Variants in RSRC2 observed in about 807,000 individuals in gnomAD.
RSRC2 encodes arginine and serine rich coiled-coil 2, also known as arginine/serine-rich coiled-coil protein 2.
RSRC2 carries 5 observed loss-of-function variants against 61.3 expected under a neutral mutation model. The observed-to-expected ratio is 0.08, with a 90% CI of 0.04 to 0.17. RSRC2 has a LOEUF of 0.17. Ranked by LOEUF, RSRC2 falls within the 10% of genes least tolerant of loss-of-function variation. The pLI, the probability that RSRC2 is intolerant of heterozygous loss-of-function variation, is 1.00. For missense variants in RSRC2, 381 were observed against 518.8 expected, an observed-to-expected ratio of 0.73 and a Z score of 2.58; for synonymous variants, 202 against 166.5, an observed-to-expected ratio of 1.21 and a Z score of -1.64.
At chr12:122,516,321 G>A (rs573378684) in intron 5 of RSRC2, among the ~76,000 whole-genome samples, 1 of 152,070 alleles carries the variant, frequency 6.6e-6, no homozygotes, top group Non-Finnish European at 1.5e-5. Flanking sequence ...GCTCTTTATT[G>A]TACACCTCCT....
At chr12:122,526,729 G>A (rs1360645675) in intron 1 of RSRC2, 119 bp downstream of exon 1, 2 of 1,185,242 alleles carry the variant, frequency 1.7e-6, no homozygotes, top group Admixed American at 3.5e-5. Flanking sequence ...CGCAGAAGAA[G>A]GCCGCGGCGC....
In RSRC2 at chr12:122,517,217, G is replaced by A; in HGVS notation, c.602+10C>T. The A allele has an allele frequency of 6.2e-7, 1 of 1,613,954 alleles. No homozygotes were observed. Among genetic ancestry groups the A allele is most frequent in the Admixed American group, 1.7e-5 (1 of 60,002 alleles). ...CCTATTAAATTTTATTCAGGATGATGGTCACCTACCGACTCCTACTCCTTG... is the reference window on the plus strand; with the variant it reads ...CCTATTAAATTTTATTCAGGATGATAGTCACCTACCGACTCCTACTCCTTG... On this transcript the variant is annotated intron_variant, in intron 5 of 9. Transcript: ENST00000331738.
chr12:122,506,116 T>C (rs1448052552), intron 9 of RSRC2, among the ~76,000 whole-genome samples: 2 of 151,938 alleles, frequency 1.3e-5, no homozygotes, highest in Non-Finnish European at 2.9e-5. Flanking sequence ...GGGTGCAGTG[T>C]GGCTCACGCC....
intron 6 of RSRC2, among the ~76,000 whole-genome samples, chr12:122,512,395 T>C (rs1174784305): frequency 6.6e-6 from 1 of 152,084 alleles, no homozygotes; most frequent in African/African-American, 2.4e-5. Flanking sequence ...GCACTATGGG[T>C]AATACAATGC....
At chr12:122,513,218 A>G (rs1958654053) in intron 6 of RSRC2, among the ~76,000 whole-genome samples, 1 of 99,474 alleles carries the variant, frequency 1.0e-5, no homozygotes, top group Non-Finnish European at 2.2e-5. Flanking sequence ...TAAATAAATA[A>G]ATAAATAAAT....
In RSRC2 at chr12:122,506,837, A is replaced by T; in HGVS notation, c.1122T>A (p.Ile374=). The T allele has an allele frequency of 6.3e-7, 1 of 1,577,922 alleles. No individual in the cohort carries two copies. The highest frequency in any genetic ancestry group is 8.7e-7 in the Non-Finnish European group (1 of 1,147,306). ...CCCTGGCACATGTGAAACTCACCTT[A>T]ATACCCATCAATTTCCTAAATTTGA... The part of the protein sequence containing the change: ...QNVKFRKLMG[I]KSEDEAGCSS... Residue 374 remains isoleucine (I), a synonymous_variant, in exon 9 of 10, where the codon ATT becomes ATA. Transcript: ENST00000331738.
At chr12:122,522,904 G>A (rs1959438083) in intron 1 of RSRC2, 1 of 152,080 alleles carries the variant, frequency 6.6e-6, no homozygotes, top group African/African-American at 2.4e-5. Context: ...CATGTGCTCT[G>A]GGCTATGAAA....
In RSRC2 at chr12:122,517,425, T is replaced by C; in HGVS notation, c.404A>G (p.His135Arg). 6.2e-7 allele frequency: 1 copy of C among 1,614,178 alleles called. No homozygotes were observed. The highest frequency in any genetic ancestry group is 2.2e-5 in the East Asian group (1 of 44,890). The part of the protein sequence containing the change: ...HSRSRSRERR[H>R]RSRSRERKKS... ...CTTCCGCTCCCTGCTTCTACTACGA[T>C]GGCGTCTGAAATTAAAGTGCACAAA... The change falls in exon 5 of 10, where the codon CAT becomes CGT. Residue 135 changes from histidine (H) to arginine (R), a missense_variant. This residue lies in a region of RSRC2 where 266 missense variants were observed against 270.5 expected (regional missense o/e 0.98). Transcript: ENST00000331738.
chr12:122,508,934 C>T (rs992484682), intron 7 of RSRC2, among the ~76,000 whole-genome samples: 1 of 151,326 alleles, frequency 6.6e-6, no homozygotes, highest in Non-Finnish European at 1.5e-5. Context: ...CCAGCCTGGG[C>T]AACAAGAGCG....
intron 7 of RSRC2, 41 bp from the exon 8 acceptor site, chr12:122,508,488 TA>T (rs1958267422): frequency 2.1e-6 from 3 of 1,456,826 alleles, no homozygotes; most frequent in Non-Finnish European, 2.8e-6. Flanking sequence ...AAAACGATTT[TA>T]AAACATAAAC....
At chr12:122,522,055 C>G in intron 2 of RSRC2, 88 bp downstream of exon 2, 1 of 1,364,952 alleles carries the variant, frequency 7.3e-7, no homozygotes, top group Non-Finnish European at 9.9e-7. Context: ...GCCCAGCCAA[C>G]AAACTAAATG....
intron 7 of RSRC2, 31 bp downstream of exon 7, chr12:122,511,078 G>A (rs754949196): frequency 5.3e-6 from 8 of 1,501,858 alleles, no homozygotes; most frequent in Middle Eastern, 1.7e-4. Flanking sequence ...AGCTCAAATC[G>A]AGATGACTAA....
At chr12:122,509,667 AAG>A (rs1593366291) in intron 7 of RSRC2, among the ~76,000 whole-genome samples, 1 of 152,284 alleles carries the variant, frequency 6.6e-6, no homozygotes, top group Admixed American at 6.5e-5. Context: ...AGAGTTACCA[AAG>A]AGAGTAATGA....
At chr12:122,526,256 TTTAAG>T (rs1434758483) in intron 1 of RSRC2, 1 of 152,570 alleles carries the variant, frequency 6.6e-6, no homozygotes, top group African/African-American at 2.4e-5. Flanking sequence ...TCCACAACCT[TTTAAG>T]TTGAATTTTC....
chr12:122,507,018 C>A (rs1402233543), intron 8 of RSRC2, 95 bp from the exon 9 acceptor site: 4 of 702,130 alleles, frequency 5.7e-6, no homozygotes, highest in Non-Finnish European at 9.9e-6. Flanking sequence ...AAAAAAAACA[C>A]CATGGATAGC....
At chr12:122,520,536 C>A in intron 3 of RSRC2, 1 of 1,367,574 alleles carries the variant, frequency 7.3e-7, no homozygotes, top group Non-Finnish European at 9.8e-7. Context: ...ATTTTGCTAT[C>A]TGAGTCTGCA....
chr12:122,522,667 CA>C (rs898898990), intron 1 of RSRC2: 1 of 160,820 alleles, frequency 6.2e-6, no homozygotes, highest in African/African-American at 2.4e-5. Context: ...CTGACTTTAC[CA>C]ATACTTTTAA....
intron 1 of RSRC2, 27 bp downstream of exon 1, chr12:122,526,821 G>A: frequency 1.2e-6 from 2 of 1,613,814 alleles, no homozygotes; most frequent in Admixed American, 1.7e-5. Context: ...AAATATCCCT[G>A]GCTTTAAACT....
At chr12:122,515,042 T>C (rs1250445757) in intron 6 of RSRC2, 63 bp downstream of exon 6, 1 of 1,535,944 alleles carries the variant, frequency 6.5e-7, no homozygotes, top group Non-Finnish European at 8.9e-7. Flanking sequence ...ATTCATCTTA[T>C]CCACACAATT....
Sources: allele counts gnomAD v4.1 joint callset (sites outside exome capture counted in the v4.1 genomes callset), GRCh38; gene constraint gnomAD v4.1.1; regional missense constraint gnomAD v4.1.1; transcripts MANE v1.5; gene names NCBI Gene and HGNC (gene_info 2026-07-23, HGNC 2026-07-21).